The following BRINP1 variants were observed in gnomAD, a reference collection of about 807,000 sequenced individuals.
The protein encoded by BRINP1 is BMP/retinoic acid-inducible neural-specific protein 1.
A neutral mutation model predicts 72.9 loss-of-function variants in BRINP1; 17 were observed. The observed-to-expected ratio is 0.23, with a 90% CI of 0.16 to 0.35. The LOEUF (loss-of-function observed/expected upper bound fraction) is 0.35, where lower values mean the gene tolerates loss of function less well. BRINP1 is among the 10% of genes least tolerant of loss of function. BRINP1 has a pLI of 1.00. For synonymous variants in BRINP1, 418 were observed against 378.5 expected, an observed-to-expected ratio of 1.10 and a Z score of -1.21; for missense variants, 850 against 1,001.6, an observed-to-expected ratio of 0.85 and a Z score of 2.04.
chr9:119,226,652 T>A (rs1179752738), intron 5 of BRINP1, among the ~76,000 whole-genome samples: 1 of 116,012 alleles, frequency 8.6e-6, no homozygotes, highest in Non-Finnish European at 1.8e-5. Flanking sequence ...CAAAGCCTAG[T>A]ATCATCTATT....
At chr9:119,349,395 G>A (rs910785177) in intron 1 of BRINP1, among the ~76,000 whole-genome samples, 1 of 152,170 alleles carries the variant, frequency 6.6e-6, no homozygotes, top group African/African-American at 2.4e-5. Flanking sequence ...CCCATTCCCT[G>A]CACTGCATTC....
chr9:119,350,180 G>A (rs928977497), intron 1 of BRINP1, among the ~76,000 whole-genome samples: 3 of 152,234 alleles, frequency 2.0e-5, no homozygotes, highest in South Asian at 2.1e-4. Context: ...ACCAGCATCT[G>A]GGAACAACTG....
At chr9:119,254,004 T>A (rs142111367) in intron 2 of BRINP1, among the ~76,000 whole-genome samples, 9 of 152,242 alleles carry the variant, frequency 5.9e-5, no homozygotes, top group South Asian at 4.2e-4. Flanking sequence ...TTCTGTGATT[T>A]TTACACTCTT....
At chr9:119,237,236 A>G (rs778770534) in intron 5 of BRINP1, among the ~76,000 whole-genome samples, 2 of 152,042 alleles carry the variant, frequency 1.3e-5, no homozygotes, top group Non-Finnish European at 2.9e-5. Context: ...AAGTTAATAC[A>G]TGATCATTGT....
At chr9:119,258,353 C>T (rs994267677) in intron 2 of BRINP1, among the ~76,000 whole-genome samples, 2 of 152,112 alleles carry the variant, frequency 1.3e-5, no homozygotes, top group South Asian at 2.1e-4. Flanking sequence ...TGGGCCATTT[C>T]CAGAAAAGCA....
chr9:119,274,711 C>T (rs1029530965), intron 2 of BRINP1, among the ~76,000 whole-genome samples: 1 of 152,102 alleles, frequency 6.6e-6, no homozygotes, highest in Non-Finnish European at 1.5e-5. Context: ...CAGAATCAGT[C>T]TCACACCCAT....
At chr9:119,168,299 A>T (rs952204661) in intron 7 of BRINP1, 75 bp from the exon 8 acceptor site, 13 of 1,239,010 alleles carry the variant, frequency 1.0e-5, no homozygotes, top group Non-Finnish European at 1.4e-5. Flanking sequence ...CCAACTGATA[A>T]TGCGAACTGG....
At chr9:119,203,394 C>T (rs1030949783) in intron 7 of BRINP1, among the ~76,000 whole-genome samples, 2 of 152,078 alleles carry the variant, frequency 1.3e-5, no homozygotes, top group Non-Finnish European at 2.9e-5. Context: ...ATATATGTCA[C>T]CAATGCTCAA....
In BRINP1 at chr9:119,313,452, A is replaced by G. The variant is rs1205750434; in HGVS notation, c.-50-47T>C. On this transcript the variant is annotated intron_variant, in intron 1 of 7. Coordinates refer to ENST00000265922, the MANE Select transcript of BRINP1 (RefSeq NM_014618.3). ...AGAGAGAGAAAAAAAGAGAAACCAA[A>G]AGAGAGAGAGGAGAGGGGAAGAGGA... The G allele has an allele frequency of 6.8e-6, 10 of 1,466,468 alleles. No individual in the cohort carries two copies. In the Admixed American group the frequency reaches 2.4e-4, roughly 35 times the overall value. The allele number at this position is 1,466,468 out of a possible 1,614,324, so 90.8% of individuals were successfully genotyped here. A position where few individuals can be genotyped will look rare whatever the true frequency, so the allele number is the denominator to read the frequency against.
intron 2 of BRINP1, among the ~76,000 whole-genome samples, chr9:119,260,165 A>C (rs1830483115): frequency 6.6e-6 from 1 of 152,232 alleles, no homozygotes; most frequent in Non-Finnish European, 1.5e-5. Context: ...ACCATACTTT[A>C]CTTAACCAAA....
chr9:119,213,613 T>G, intron 6 of BRINP1: 1 of 552,998 alleles, frequency 1.8e-6, no homozygotes, highest in African/African-American at 1.9e-5. Context: ...TCAATACAAC[T>G]ACCTCTGACT....
At chr9:119,349,980 T>C (rs966723916) in intron 1 of BRINP1, among the ~76,000 whole-genome samples, 1 of 152,214 alleles carries the variant, frequency 6.6e-6, no homozygotes, top group Non-Finnish European at 1.5e-5. Context: ...TCTTCCATCT[T>C]TGAAGTCTGC....
At chr9:119,258,008 GAACT>G (rs1047937814) in intron 2 of BRINP1, among the ~76,000 whole-genome samples, 10 of 152,062 alleles carry the variant, frequency 6.6e-5, no homozygotes, top group African/African-American at 2.4e-4. Context: ...AAGAAAAAAA[GAACT>G]ATCTCTGAAA....
In BRINP1 at chr9:119,266,214, T is replaced by C. The variant is rs143576195; in HGVS notation, c.219-17064A>G. On this transcript the variant is annotated intron_variant, in intron 2 of 7. Transcript: ENST00000265922. ...GAGGGAGACTTAGAGGCACAATCTG[T>C]TCCAGGCAAAGGGAGGAGCAACTGT... Among the ~76,000 whole-genome samples the C allele has an allele frequency of 1.6e-4, 25 of 152,216 alleles. No individual in the cohort carries two copies. In the East Asian group the frequency reaches 4.6e-3, roughly 28 times the overall value.
chr9:119,297,152 C>T (rs1830889929), intron 2 of BRINP1, among the ~76,000 whole-genome samples: 1 of 151,948 alleles, frequency 6.6e-6, no homozygotes, highest in South Asian at 2.1e-4. Context: ...GTATACAATT[C>T]CTATTCATCA....
chr9:119,289,851 T>A (rs960885113), intron 2 of BRINP1, among the ~76,000 whole-genome samples: 4 of 152,220 alleles, frequency 2.6e-5, no homozygotes, highest in Admixed American at 6.5e-5. Context: ...CTTAAACCTC[T>A]TGAACATGAT....
chr9:119,237,597 C>T (rs1355108015), intron 5 of BRINP1, among the ~76,000 whole-genome samples: 3 of 151,804 alleles, frequency 2.0e-5, no homozygotes, highest in Non-Finnish European at 4.4e-5. Flanking sequence ...CTCCTGACCT[C>T]GTGATCCGCC....
intron 1 of BRINP1, among the ~76,000 whole-genome samples, chr9:119,352,279 C>A (rs2119033760): frequency 6.6e-6 from 1 of 152,258 alleles, no homozygotes; most frequent in Non-Finnish European, 1.5e-5. Context: ...AGACATTTTT[C>A]CTACATAATT....
chr9:119,299,688 G>A (rs1181871794), intron 2 of BRINP1, among the ~76,000 whole-genome samples: 1 of 150,834 alleles, frequency 6.6e-6, no homozygotes, highest in African/African-American at 2.4e-5. Context: ...TTAACATAAT[G>A]TCCTCCAGGT....
Sources: allele counts gnomAD v4.1 joint callset (sites outside exome capture counted in the v4.1 genomes callset), GRCh38; gene constraint gnomAD v4.1.1; transcripts MANE v1.5; gene names NCBI Gene and HGNC (gene_info 2026-07-23, HGNC 2026-07-21).